Variants in TPTE2 observed in about 807,000 individuals in gnomAD.
TPTE2 encodes the protein transmembrane phosphoinositide 3-phosphatase and tensin homolog 2, also known as phosphatidylinositol 3,4,5-trisphosphate 3-phosphatase TPTE2.
A neutral mutation model predicts 78.6 loss-of-function variants in TPTE2; 53 were observed. The observed-to-expected ratio is 0.67, with a 90% CI of 0.54 to 0.85. The LOEUF (loss-of-function observed/expected upper bound fraction) is 0.85, where lower values mean the gene tolerates loss of function less well. TPTE2 is among the 40% of genes least tolerant of loss of function. TPTE2 has a pLI of 0.00. For missense variants in TPTE2, 461 were observed against 623.0 expected (o/e 0.74, Z 2.77); for synonymous variants, 175 against 206.2 (o/e 0.85, Z 1.30).
chr13:19,465,162 T>C (rs1879182356), intron 9 of TPTE2, 93 bp downstream of exon 12: 4 of 1,493,454 alleles, frequency 2.7e-6, no homozygotes, highest in Non-Finnish European at 3.7e-6. Context: ...ATAAAGAATA[T>C]TTTGAATGAA....
At chr13:19,520,043 A>T (rs983739163) in intron 1 of TPTE2, among the ~76,000 whole-genome samples, 2 of 152,028 alleles carry the variant, frequency 1.3e-5, no homozygotes, top group Admixed American at 1.3e-4. Flanking sequence ...TTTTGAGCCT[A>T]CTCATTGCTA....
intron 10 of TPTE2, among the ~76,000 whole-genome samples, chr13:19,457,901 C>G (rs1878643294): frequency 6.6e-6 from 1 of 152,088 alleles, no homozygotes; most frequent in Admixed American, 6.5e-5. Context: ...GCCAAAAATA[C>G]AAAGAAGACA....
At chr13:19,425,835 T>C (rs1391082618) in intron 18 of TPTE2, 1 of 517,376 alleles carries the variant, frequency 1.9e-6, no homozygotes, top group Non-Finnish European at 3.9e-6. Context: ...CTCTTCTCTC[T>C]GGAATTAATA....
chr13:19,493,034 A>C, intron 2 of TPTE2, 131 bp from the exon 6 acceptor site: 1 of 1,276,076 alleles, frequency 7.8e-7, no homozygotes, highest in South Asian at 1.4e-5. Context: ...CCATAAAAAT[A>C]CTGCTTAGTA....
chr13:19,507,076 T>TATG (rs1336956504), upstream of TPTE2, among the ~76,000 whole-genome samples: 2 of 152,148 alleles, frequency 1.3e-5, no homozygotes, highest in Non-Finnish European at 2.9e-5. Context: ...CGTGTATCTT[T>TATG]ATGAACATAC....
chr13:19,502,832 T>A (rs1868707414), intron 1 of TPTE2, among the ~76,000 whole-genome samples: 1 of 148,540 alleles, frequency 6.7e-6, no homozygotes. Flanking sequence ...AAAATAAATC[T>A]CTCTTGTTGA....
chr13:19,450,367 C>T (rs573489794), intron 11 of TPTE2, 23 bp from the exon 15 acceptor site: 2 of 1,586,634 alleles, frequency 1.3e-6, no homozygotes, highest in Non-Finnish European at 1.7e-6. Context: ...ATATGTATGT[C>T]ATATCTCTAT....
the TPTE2 span, among the ~76,000 whole-genome samples, chr13:19,553,836 A>G: frequency 6.6e-6 from 1 of 152,212 alleles, no homozygotes; most frequent in Admixed American, 6.5e-5. Flanking sequence ...GAGGGTCATG[A>G]AAAATGTTCA....
rs557436251 is a variant in TPTE2 at position 19,458,925 on chromosome 13, G to A, written c.741+5531C>T. ...TAAGACAATGATTTATATTCCTTTG[G>A]GTATATACCCCATAATGGGATTGCT... is the stretch of plus-strand genomic sequence containing the variant. On this transcript the variant is annotated intron_variant, in intron 10 of 19. Coordinates refer to ENST00000400230, the Ensembl canonical transcript of TPTE2. 2.0e-5 allele frequency among the ~76,000 whole-genome samples: 3 copies of A among 152,038 alleles called. No homozygotes were observed. In the East Asian group the frequency reaches 5.8e-4, roughly 29 times the overall value.
intron 1 of TPTE2, among the ~76,000 whole-genome samples, chr13:19,494,357 G>A (rs1566064037): frequency 6.6e-6 from 1 of 152,040 alleles, no homozygotes; most frequent in African/African-American, 2.4e-5. Flanking sequence ...CACTAATCTC[G>A]GTCTCTTTCT....
intron 2 of TPTE2, among the ~76,000 whole-genome samples, chr13:19,493,181 A>C (rs1309267121): frequency 8.8e-3 from 2 of 228 alleles, no homozygotes; most frequent in African/African-American, 0.011. Context: ...ACTCTGTTAC[A>C]AAAAAAAAAA....
At chr13:19,556,919 TG>T in the TPTE2 span, among the ~76,000 whole-genome samples, 149 of 85,382 alleles carry the variant, frequency 1.7e-3, 1 homozygote, top group Middle Eastern at 0.02. Context: ...CCAAATTTAA[TG>T]TCAAGCAAGA....
chr13:19,458,536 T>G (rs533234664), intron 10 of TPTE2: 71 of 385,746 alleles, frequency 1.8e-4, no homozygotes, highest in African/African-American at 1.3e-3. Context: ...GTGTTTCCTC[T>G]CCCCAGGTGA....
chr13:19,526,740 TAAA>T (rs1184524817), intron 1 of TPTE2, among the ~76,000 whole-genome samples: 1 of 102,552 alleles, frequency 9.8e-6, no homozygotes. Context: ...ATTAATTAAA[TAAA>T]ATGTGCATAC....
At chr13:19,446,894 G>T (rs1273462982) in intron 13 of TPTE2, among the ~76,000 whole-genome samples, 1 of 152,154 alleles carries the variant, frequency 6.6e-6, no homozygotes, top group African/African-American at 2.4e-5. Flanking sequence ...AATGAGCTGA[G>T]ATCATGCCAC....
chr13:19,488,261 A>C (rs528169463), intron 3 of TPTE2, among the ~76,000 whole-genome samples: 1 of 152,324 alleles, frequency 6.6e-6, no homozygotes, highest in Non-Finnish European at 1.5e-5. Flanking sequence ...TAAGGGCCCT[A>C]GGATTTTCGG....
rs2137623703 is a variant in TPTE2, at chr13:19,486,596, GC to G, written c.120-4050del. On this transcript the variant is annotated intron_variant, in intron 3 of 19. Transcript: ENST00000400230. The surrounding 1 kb of genome is among the most constrained non-coding windows in gnomAD (Gnocchi z 4.3). ...CCTGGAAGCATGCACTCCAGGAGTG[GC>G]CTGAAGGGCTGTTTCCCCTACCTGG... Among the ~76,000 whole-genome samples the G allele has an allele frequency of 6.6e-6, 1 of 152,338 alleles. No homozygotes were observed. The highest frequency in any genetic ancestry group is 2.1e-4 in the South Asian group (1 of 4,830).
intron 17 of TPTE2, among the ~76,000 whole-genome samples, chr13:19,427,590 A>C (rs540354019): frequency 6.6e-6 from 1 of 152,224 alleles, no homozygotes; most frequent in East Asian, 1.9e-4. Flanking sequence ...TTATTTTCTA[A>C]ATTTAAAAAA....
intron 6 of TPTE2, among the ~76,000 whole-genome samples, chr13:19,472,321 C>T (rs530642141): frequency 5.0e-4 from 76 of 152,282 alleles, no homozygotes; most frequent in African/African-American, 1.7e-3. Context: ...AGGCTATTTT[C>T]TAGATCCTGT....
Sources: gnomAD v4.1 joint callset for allele counts (sites outside exome capture counted in the v4.1 genomes callset) on GRCh38, gnomAD v4.1.1 for gene constraint, Gnocchi (gnomAD v3.1) non-coding constraint, MANE v1.5 for transcripts, NCBI Gene and HGNC (gene_info 2026-07-23, HGNC 2026-07-21) for gene names.